Variants in SELENOK observed in about 807,000 individuals in gnomAD.
SELENOK encodes selenoprotein K.
In SELENOK, 11 loss-of-function variants were observed where a neutral mutation model predicts 17.3. The ratio of observed to expected loss-of-function variants is 0.63; its 90% CI spans 0.40 to 1.05. The LOEUF is 1.05. Among genes scored for constraint, SELENOK ranks in the 50% least tolerant of loss-of-function variants. The pLI is 0.00. For missense variants in SELENOK, 125 were observed against 113.9 expected (o/e 1.10, Z -0.44); for synonymous variants, 45 against 35.4 (o/e 1.27, Z -0.97).
At position 53,888,759 on chromosome 3, in the gene SELENOK, A is replaced by G. The variant is rs139514050; in HGVS notation, c.20-276T>C. Among the ~76,000 whole-genome samples, 52 of 152,268 alleles carry G rather than the reference A, an allele frequency of 3.4e-4. 1 individual carries two copies. The highest frequency in any genetic ancestry group is 3.1e-3 in the Admixed American group (47 of 15,302). On this transcript the variant is annotated intron_variant, in intron 1 of 4. Coordinates refer to ENST00000495461, the MANE Select transcript of SELENOK (RefSeq NM_021237.5). ...CTATTCAACTACTTTCTCTCTTTCT[A>G]TAAATATATAACAAAGGCTGGGCGC...
intron 1 of SELENOK, chr3:53,891,041 C>G (rs1285520788): frequency 6.6e-6 from 1 of 152,254 alleles, no homozygotes; most frequent in Non-Finnish European, 1.5e-5. Flanking sequence ...TTCTCCATTC[C>G]GGTAATAATT....
Position 53,885,849 on chromosome 3 carries a change from AG to A in SELENOK, c.257del (p.Pro86LeufsTer14). On this transcript the variant is annotated frameshift_variant, in exon 4 of 5. Transcript: ENST00000495461. LOFTEE classifies it high-confidence loss of function. Reference protein sequence around the residue: ...RINHLRGPSPPPMAGGUGR With the variant: ...RINHLRGPSPXPMAGGUGR ...ACCTTCCTCATCCACCAGCCATTGGAGGGGGACTAGGGCCACGCAGATGATT... is the reference window on the plus strand; with the variant it reads ...ACCTTCCTCATCCACCAGCCATTGGAGGGGACTAGGGCCACGCAGATGATT... The A allele has an allele frequency of 1.3e-6, 2 of 1,591,118 alleles. No individual in the cohort carries two copies. Among genetic ancestry groups the A allele is most frequent in the Non-Finnish European group, 1.7e-6 (2 of 1,168,186 alleles).
chr3:53,885,324 A>G lies in SELENOK; in HGVS notation c.*234T>C, dbSNP rs1700116809. The stretch of plus-strand genomic sequence containing the variant: ...AACTATATTAATACTTTAATAAACT[A>G]TACAAAAAGGTAATGAGACAAACAT... On this transcript the variant is annotated 3_prime_UTR_variant, in exon 5 of 5. Transcript: ENST00000495461. The G allele has an allele frequency of 2.4e-6, 1 of 424,366 alleles. No individual in the cohort carries two copies. Among genetic ancestry groups the G allele is most frequent in the South Asian group, 5.2e-5 (1 of 19,062 alleles). 26.3% of individuals were successfully genotyped at this position (424,366 alleles called of 1,614,324 possible).
intron 2 of SELENOK, 71 bp downstream of exon 2, chr3:53,888,322 C>A: frequency 1.0e-6 from 1 of 953,134 alleles, no homozygotes; most frequent in Non-Finnish European, 1.7e-6. Flanking sequence ...TTTAAGATCC[C>A]TAACATAATG....
chr3:53,886,881 G>A lies in SELENOK; in HGVS notation c.164C>T (p.Ser55Leu), dbSNP rs1700131304. 1 of 1,571,434 alleles carries A rather than the reference G, an allele frequency of 6.4e-7. No individual in the cohort carries two copies. The highest frequency in any genetic ancestry group is 1.2e-5 in the South Asian group (1 of 84,260). Reference protein sequence around the residue: ...DVKKRRSYGNSSDSRYDDGRG... With the variant: ...DVKKRRSYGNLSDSRYDDGRG... ...TCCATCATCATATCTGGAATCAGAT[G>A]AGTTTCCATAGCTTCTTCTTTTTTT... is the stretch of plus-strand genomic sequence containing the variant. Residue 55 changes from serine to leucine, a missense_variant, in exon 3 of 5, where the codon TCA becomes TTA. Coordinates refer to ENST00000495461, the MANE Select transcript of SELENOK (RefSeq NM_021237.5).
In SELENOK at chr3:53,888,397, A is replaced by C; in HGVS notation, c.106T>G (p.Leu36Val). 6.2e-7 allele frequency: 1 copy of C among 1,609,158 alleles called. No individual in the cohort carries two copies. Among genetic ancestry groups the C allele is most frequent in the Non-Finnish European group, 8.5e-7 (1 of 1,176,108 alleles). Reference protein sequence around the residue: ...FFWGIAEFVVLFFKTLLQQDV... With the variant: ...FFWGIAEFVVVFFKTLLQQDV... ...TAAGAGCTCTTCTATACTTACAACA[A>C]AACCACAAACTCAGCTATTCCCCAG... Residue 36 changes from leucine to valine, a missense_variant, in exon 2 of 5, where the codon TTG becomes GTG. Coordinates refer to ENST00000495461, the MANE Select transcript of SELENOK (RefSeq NM_021237.5).
intron 3 of SELENOK, among the ~76,000 whole-genome samples, 174 bp from the exon 4 acceptor site, chr3:53,886,086 G>C (rs1700123822): frequency 6.6e-6 from 1 of 152,042 alleles, no homozygotes; most frequent in Non-Finnish European, 1.5e-5. Flanking sequence ...ACACTTAAAG[G>C]GACCAGACAC....
chr3:53,885,838 C>T lies in SELENOK; in HGVS notation c.269G>A (p.Gly90Asp), dbSNP rs776630757. The change falls in exon 4 of 5, where the codon GGT (glycine) becomes GAT (aspartate). Residue 90 changes from glycine to aspartate, a missense_variant. By Grantham distance (94) the Gly-to-Asp change is moderately conservative. Transcript: ENST00000495461. Reference sequence around the variant, plus strand: ...GATCTGAAGTTACCTTCCTCATCCACCAGCCATTGGAGGGGGACTAGGGCC... The same window carrying T: ...GATCTGAAGTTACCTTCCTCATCCATCAGCCATTGGAGGGGGACTAGGGCC... ...LRGPSPPPMA[G>D]GUGR 1 of 1,589,616 alleles carries T rather than the reference C, an allele frequency of 6.3e-7. No homozygotes were observed. Among genetic ancestry groups the T allele is most frequent in the South Asian group, 1.2e-5 (1 of 86,914 alleles).
chr3:53,889,556 A>G (rs916036394), intron 1 of SELENOK, among the ~76,000 whole-genome samples: 2 of 152,210 alleles, frequency 1.3e-5, no homozygotes, highest in African/African-American at 2.4e-5. Flanking sequence ...TACTGTGAAT[A>G]ATGCTGCTAT....
At chr3:53,890,906 A>G (rs764406463) in intron 1 of SELENOK, 1 of 152,276 alleles carries the variant, frequency 6.6e-6, no homozygotes, top group Non-Finnish European at 1.5e-5. Flanking sequence ...CCTTGTTAAG[A>G]CTGTACCAAA....
chr3:53,886,056 G>T (rs545981487), intron 3 of SELENOK, 144 bp from the exon 4 acceptor site: 7 of 573,678 alleles, frequency 1.2e-5, no homozygotes, highest in East Asian at 1.0e-4. Context: ...ACCATTTTAG[G>T]TCAGGAGGCA....
At chr3:53,890,287 A>G (rs76584460) in intron 1 of SELENOK, among the ~76,000 whole-genome samples, 10 of 150,366 alleles carry the variant, frequency 6.7e-5, no homozygotes, top group South Asian at 4.2e-4. Context: ...AGATTTTTGG[A>G]AAAAAAAAAG....
At chr3:53,889,052 A>T (rs1438653309) in intron 1 of SELENOK, among the ~76,000 whole-genome samples, 2 of 152,132 alleles carry the variant, frequency 1.3e-5, no homozygotes, top group Non-Finnish European at 2.9e-5. Context: ...GCAAGAAAAA[A>T]AAAACAAAAA....
intron 3 of SELENOK, 122 bp downstream of exon 3, chr3:53,886,729 T>C: frequency 1.7e-6 from 1 of 574,596 alleles, no homozygotes; most frequent in South Asian, 3.4e-5. Context: ...CAGTAATGCA[T>C]TAATTTTGTA....
chr3:53,888,479 T>C lies in SELENOK; in HGVS notation c.24A>G (p.Gln8=). The change falls in exon 2 of 5, where the codon CAA becomes CAG. Residue 8 remains glutamine (Q), a synonymous_variant. Coordinates refer to ENST00000495461, the MANE Select transcript of SELENOK (RefSeq NM_021237.5). Reference sequence around the variant, plus strand: ...GAGACTGACTCCGGCTGTCCAACACTTGTCCTACAGATAAGAATTAAAGAA... The same window carrying C: ...GAGACTGACTCCGGCTGTCCAACACCTGTCCTACAGATAAGAATTAAAGAA... The part of the protein sequence containing the change: MVYISNG[Q]VLDSRSQSPW... 6.2e-7 allele frequency: 1 copy of C among 1,606,642 alleles called. No homozygotes were observed. The highest frequency in any genetic ancestry group is 1.1e-5 in the South Asian group (1 of 90,962).
At position 53,886,916 on chromosome 3, in the gene SELENOK, C is replaced by A; in HGVS notation, c.129G>T (p.Gln43His). 1 of 1,564,978 alleles carries A rather than the reference C, an allele frequency of 6.4e-7. No homozygotes were observed. The highest frequency in any genetic ancestry group is 8.7e-7 in the Non-Finnish European group (1 of 1,153,410). Residue 43 changes from glutamine (Q) to histidine (H), a missense_variant, in exon 3 of 5, where the codon CAG becomes CAT. By Grantham distance (24) the Gln-to-His change is conservative (BLOSUM62 0). Transcript: ENST00000495461. ...FVVLFFKTLL[Q>H]QDVKKRRSYG... is the part of the protein sequence containing the mutation. ...AGCTTCTTCTTTTTTTCACATCTTG[C>A]TGAAGCAGAGTTTTGAAACTGAAAC... is the stretch of plus-strand genomic sequence containing the variant.
chr3:53,888,568 T>C (rs535217934), intron 1 of SELENOK, 85 bp from the exon 2 acceptor site: 1 of 920,070 alleles, frequency 1.1e-6, no homozygotes, highest in Middle Eastern at 2.1e-4. Context: ...GAGGTAACAA[T>C]GATTGGGGTT....
chr3:53,886,857 CCAT>C lies in SELENOK; in HGVS notation c.185_187del (p.Asp62del), dbSNP rs1214393731. On this transcript the variant is annotated inframe_deletion, in exon 3 of 5. Transcript: ENST00000495461. The stretch of plus-strand genomic sequence containing the variant: ...TCAATTTAAAAAGCTGTACCCTCTT[CCAT>C]CATCATATCTGGAATCAGATGAGTT... The C allele has an allele frequency of 3.9e-6, 6 of 1,555,194 alleles. No individual in the cohort carries two copies. In the East Asian group the frequency reaches 6.9e-5, roughly 18 times the overall value.
chr3:53,885,663 T>C, intron 4 of SELENOK, 102 bp from the exon 5 acceptor site: 1 of 1,342,794 alleles, frequency 7.4e-7, no homozygotes, highest in East Asian at 2.3e-5. Context: ...AAAAGACATT[T>C]TGATAACAAG....
Sources: gnomAD v4.1 joint callset for allele counts (sites outside exome capture counted in the v4.1 genomes callset) on GRCh38, gnomAD v4.1.1 for gene constraint, MANE v1.5 for transcripts, NCBI Gene and HGNC (gene_info 2026-07-23, HGNC 2026-07-21) for gene names.